Variants in SLC43A2 observed in about 807,000 individuals in gnomAD.
SLC43A2 encodes the protein solute carrier family 43 member 2.
In SLC43A2, 38 loss-of-function variants were observed where a neutral mutation model predicts 63.2. The ratio of observed to expected loss-of-function variants is 0.60; its 90% CI spans 0.46 to 0.79. The LOEUF (loss-of-function observed/expected upper bound fraction) is 0.79, where lower values mean the gene tolerates loss of function less well. Ranked by LOEUF, SLC43A2 falls within the 30% of genes least tolerant of loss-of-function variation. SLC43A2 has a pLI of 0.00. For synonymous variants in SLC43A2, 322 were observed against 331.0 expected (o/e 0.97, Z 0.30); for missense variants, 644 against 756.2 (o/e 0.85, Z 1.74).
intron 8 of SLC43A2, 76 bp from the exon 9 acceptor site, chr17:1,591,024 C>G: frequency 6.8e-7 from 1 of 1,474,098 alleles, no homozygotes; most frequent in South Asian, 1.2e-5. Context: ...GATCCCTCCA[C>G]GCTGGAGGCC....
chr17:1,590,696 C>T lies in SLC43A2; in HGVS notation c.1078+106G>A, dbSNP rs866300316. ...AGACAGCTCCTGGGATGCGGCCTTT[C>T]CATGGCCCGGCTGGCCCGGCTCAGC... is the stretch of plus-strand genomic sequence containing the variant. On this transcript the variant is annotated intron_variant, in intron 9 of 13. Coordinates refer to ENST00000301335, the MANE Select transcript of SLC43A2 (RefSeq NM_152346.3). The T allele has an allele frequency of 2.5e-5, 36 of 1,435,502 alleles. No homozygotes were observed. In the Middle Eastern group the frequency reaches 1.7e-3, roughly 69 times the overall value. The allele number at this position is 1,435,502 out of a possible 1,614,324, so 88.9% of individuals were successfully genotyped here.
chr17:1,605,521 C>T lies in SLC43A2; in HGVS notation c.501+7674G>A, dbSNP rs768251793. Among the ~76,000 whole-genome samples, 4 of 151,188 alleles carry T rather than the reference C, an allele frequency of 2.6e-5. No individual in the cohort carries two copies. Among genetic ancestry groups the T allele is most frequent in the East Asian group, 1.9e-4 (1 of 5,136 alleles). On this transcript the variant is annotated intron_variant, in intron 5 of 13. Transcript: ENST00000301335. The surrounding 1 kb of genome is among the most constrained non-coding windows in gnomAD (Gnocchi z 4.9). ...CCCCGGCCCTGACTTTCCACATCCA[C>T]GGACTCCCGAGTCCTCCCTGGCCTG... is the stretch of plus-strand genomic sequence containing the variant.
intron 5 of SLC43A2, among the ~76,000 whole-genome samples, chr17:1,601,516 G>A (rs556018962): frequency 5.8e-4 from 88 of 152,172 alleles, no homozygotes; most frequent in African/African-American, 8.0e-4. Context: ...ATGCAAAGGC[G>A]CTACTGAGCC....
intron 3 of SLC43A2, 68 bp from the exon 4 acceptor site, chr17:1,615,102 TGTTTTTG>T (rs894926775): frequency 6.9e-6 from 11 of 1,587,710 alleles, no homozygotes; most frequent in East Asian, 4.6e-5. Context: ...GTTTTGTTTT[TGTTTTTG>T]GTTTTTGGTT....
In SLC43A2 at chr17:1,593,412, T is replaced by C; in HGVS notation, c.502-133A>G. ...CCTTCCTGTGTGACTCACAGGGGCA[T>C]TAGTTCAGGGGCAATGACCGCTCAC... On this transcript the variant is annotated intron_variant, in intron 5 of 13. Coordinates refer to ENST00000301335, the MANE Select transcript of SLC43A2 (RefSeq NM_152346.3). The surrounding 1 kb of genome is among the most constrained non-coding windows in gnomAD (Gnocchi z 5.3). 1.3e-6 allele frequency: 1 copy of C among 777,624 alleles called. No individual in the cohort carries two copies. The highest frequency in any genetic ancestry group is 1.6e-5 in the South Asian group (1 of 63,818). The allele number at this position is 777,624 out of a possible 1,614,324, so 48.2% of individuals were successfully genotyped here.
rs892555663 is a variant in SLC43A2, at chr17:1,593,969, C to T, written c.502-690G>A. On this transcript the variant is annotated intron_variant, in intron 5 of 13. Coordinates refer to ENST00000301335, the MANE Select transcript of SLC43A2 (RefSeq NM_152346.3). This position sits in a 1 kb window ranked among gnomAD's most constrained non-coding sequence, Gnocchi z 5.3. The stretch of plus-strand genomic sequence containing the variant: ...ATTCTCCTGCCTCAGCCTCCCAAGT[C>T]GCGAGATTAGAGATGCCCGCCACCA... Among the ~76,000 whole-genome samples the T allele has an allele frequency of 3.9e-5, 6 of 152,072 alleles. No individual in the cohort carries two copies. Among genetic ancestry groups the T allele is most frequent in the East Asian group, 1.9e-4 (1 of 5,172 alleles).
intron 5 of SLC43A2, among the ~76,000 whole-genome samples, chr17:1,596,726 G>A (rs1348166796): frequency 6.6e-6 from 1 of 152,016 alleles, no homozygotes; most frequent in East Asian, 1.9e-4. Context: ...CCCATTGCAG[G>A]TATGTGCCAC....
intron 3 of SLC43A2, 100 bp from the exon 4 acceptor site, chr17:1,615,134 GC>G: frequency 7.1e-7 from 1 of 1,414,824 alleles, no homozygotes; most frequent in Non-Finnish European, 9.8e-7. Context: ...TTGAGACAGA[GC>G]CTTGCTCTGT....
chr17:1,616,853 T>C, intron 2 of SLC43A2, 84 bp from the exon 3 acceptor site: 1 of 1,482,438 alleles, frequency 6.7e-7, no homozygotes, highest in Non-Finnish European at 9.2e-7. Context: ...CCATTCAGAG[T>C]CCCCCCACTG....
At chr17:1,585,561 T>C in intron 10 of SLC43A2, 2 of 783,518 alleles carry the variant, frequency 2.6e-6, no homozygotes, top group East Asian at 1.2e-4. Flanking sequence ...TTAAATTTTT[T>C]GTAGAGACGG....
At chr17:1,627,579 G>A (rs1016112445) in intron 2 of SLC43A2, 136 bp downstream of exon 2, 4 of 853,556 alleles carry the variant, frequency 4.7e-6, no homozygotes, top group African/African-American at 1.8e-5. Flanking sequence ...GCTGGGTGAG[G>A]ATCAGATGGG....
At position 1,591,186 on chromosome 17, in the gene SLC43A2, T is replaced by A. The variant is rs886876768; in HGVS notation, c.931+83A>T. Reference sequence around the variant, plus strand: ...CAGGGCGGGCGGGGCCGCCTCCCCTTTTGGGGTGAGGTGGGAATGGGGTGA... The same window carrying A: ...CAGGGCGGGCGGGGCCGCCTCCCCTATTGGGGTGAGGTGGGAATGGGGTGA... On this transcript the variant is annotated intron_variant, in intron 8 of 13. Transcript: ENST00000301335. 4.1e-5 allele frequency: 63 copies of A among 1,519,834 alleles called. No homozygotes were observed. The Admixed American group carries it at 1.0e-3, about 25-fold the overall frequency. The allele number at this position is 1,519,834 out of a possible 1,614,324, so 94.1% of individuals were successfully genotyped here.
chr17:1,617,200 T>A (rs1457717600), intron 2 of SLC43A2, among the ~76,000 whole-genome samples: 1 of 152,140 alleles, frequency 6.6e-6, no homozygotes, highest in Non-Finnish European at 1.5e-5. Context: ...ACGGCAGCTA[T>A]GTCCGTGGGG....
At chr17:1,613,539 G>A (rs1411307672) in intron 4 of SLC43A2, among the ~76,000 whole-genome samples, 1 of 152,140 alleles carries the variant, frequency 6.6e-6, no homozygotes. Flanking sequence ...TGCAACCTCT[G>A]ACTCCCGGGT....
intron 5 of SLC43A2, among the ~76,000 whole-genome samples, chr17:1,603,742 G>A (rs1906301169): frequency 6.6e-6 from 1 of 152,084 alleles, no homozygotes. Context: ...TTGAGATCGC[G>A]CCATTGCACT....
rs34412033 is a variant in SLC43A2 at position 1,575,684 on chromosome 17, G to A, written c.1630C>T (p.Arg544Trp). The change falls in exon 14 of 14, where the codon CGG (arginine) becomes TGG (tryptophan). Residue 544 changes from arginine to tryptophan, a missense_variant. Arg to Trp is a moderately radical substitution (Grantham distance 101). Transcript: ENST00000301335. ...TCCTCCTGCCTCTGCTGCAGCTGCC[G>A]CTCCAGCTGGCGCCGGTAGCAGATC... ...YLICYRRQLE[R>W]QLQQRQEDDK... 1.7e-4 allele frequency: 273 copies of A among 1,614,086 alleles called. 1 individual carries two copies. The African/African-American group carries it at 2.7e-3, about 16-fold the overall frequency.
At chr17:1,609,374 G>T (rs746289304) in intron 5 of SLC43A2, among the ~76,000 whole-genome samples, 7 of 152,004 alleles carry the variant, frequency 4.6e-5, no homozygotes, top group Non-Finnish European at 1.0e-4. Flanking sequence ...GCTAATTTTT[G>T]TATTTTTAGT....
Position 1,591,713 on chromosome 17 carries a change from CG to C in SLC43A2, c.595-15del. On this transcript the variant is annotated splice_polypyrimidine_tract_variant and intron_variant, in intron 6 of 13. Transcript: ENST00000301335. ...ATCATAGATGAGCTGACAGGCACCG[CG>C]GGGACGGGGTGGGGGGGGGAGGGGG... The C allele has an allele frequency of 6.5e-6, 1 of 154,092 alleles. No homozygotes were observed. Among genetic ancestry groups the C allele is most frequent in the Non-Finnish European group, 1.1e-5 (1 of 92,402 alleles). 9.5% of individuals were successfully genotyped at this position (154,092 alleles called of 1,614,324 possible). A position where few individuals can be genotyped will look rare whatever the true frequency, so the allele number is the denominator to read the frequency against.
At chr17:1,586,934 C>CCCCCCCCCCA in intron 9 of SLC43A2, 1 of 1,503,928 alleles carries the variant, frequency 6.6e-7, no homozygotes, top group Non-Finnish European at 8.9e-7. Flanking sequence ...ACAATCCCCC[C>CCCCCCCCCCA]CACCCCCCGC....
Sources: allele counts gnomAD v4.1 joint callset (sites outside exome capture counted in the v4.1 genomes callset), GRCh38; gene constraint gnomAD v4.1.1; non-coding constraint Gnocchi (gnomAD v3.1); transcripts MANE v1.5; gene names NCBI Gene and HGNC (gene_info 2026-07-23, HGNC 2026-07-21).